The following STK31 variants were observed in gnomAD, a reference collection of about 807,000 sequenced individuals.
STK31 encodes the protein serine/threonine-protein kinase 31.
Under a neutral mutation model 129.7 loss-of-function variants are expected in STK31, and 89 were observed. The ratio of observed to expected loss-of-function variants is 0.69; its 90% CI spans 0.58 to 0.82. The LOEUF is 0.82. Ranked by LOEUF, STK31 falls within the 40% of genes least tolerant of loss-of-function variation. The pLI is 0.00. For synonymous variants in STK31, 448 were observed against 395.3 expected (o/e 1.13, Z -1.58); for missense variants, 1,187 against 1,176.4 (o/e 1.01, Z -0.13).
intron 11 of STK31, among the ~76,000 whole-genome samples, chr7:23,765,198 G>T (rs1242985705): frequency 2.0e-5 from 3 of 152,020 alleles, no homozygotes; most frequent in African/African-American, 7.3e-5. Context: ...GGGATTACAG[G>T]CACACACCAC....
At chr7:23,745,381 T>G (rs1041619463) in intron 8 of STK31, among the ~76,000 whole-genome samples, 1 of 151,670 alleles carries the variant, frequency 6.6e-6, no homozygotes, top group Non-Finnish European at 1.5e-5. Context: ...AATGCTTGAG[T>G]GGGGGTGGCA....
At position 23,832,129 on chromosome 7, in the gene STK31, C is replaced by T. The variant is rs769818600; in HGVS notation, c.2830-7C>T. On this transcript the variant is annotated splice_region_variant and splice_polypyrimidine_tract_variant and intron_variant, in intron 23 of 23. Coordinates refer to ENST00000355870, the MANE Select transcript of STK31 (RefSeq NM_031414.5). ...CTTTGTTTTGTAACACCTGTTTTTCCTTGCAGGATGATAAAGTCAAATCCC... is the reference window on the plus strand; with the variant it reads ...CTTTGTTTTGTAACACCTGTTTTTCTTTGCAGGATGATAAAGTCAAATCCC... The T allele has an allele frequency of 3.1e-6, 5 of 1,600,554 alleles. No individual in the cohort carries two copies. Among genetic ancestry groups the T allele is most frequent in the Non-Finnish European group, 3.4e-6 (4 of 1,169,782 alleles).
Position 23,769,178 on chromosome 7 carries a change from A to G in STK31, c.1596+4A>G, listed in dbSNP as rs1344220151. 6.5e-6 allele frequency: 10 copies of G among 1,544,486 alleles called. No individual in the cohort carries two copies. Among genetic ancestry groups the G allele is most frequent in the East Asian group, 2.3e-5 (1 of 43,572 alleles). ...ATGGTTCCAAAGAACCTTAAAGGTA[A>G]TAAAAGCTCCTGCCCGGTTGTGTTT... On this transcript the variant is annotated splice_donor_region_variant and intron_variant, in intron 12 of 23. Coordinates refer to ENST00000355870, the MANE Select transcript of STK31 (RefSeq NM_031414.5).
chr7:23,775,229 T>C (rs1790463377), intron 15 of STK31, among the ~76,000 whole-genome samples: 1 of 152,240 alleles, frequency 6.6e-6, no homozygotes, highest in Non-Finnish European at 1.5e-5. Flanking sequence ...TTGGTTACTG[T>C]AGCCTTGTAG....
intron 3 of STK31, among the ~76,000 whole-genome samples, chr7:23,716,390 T>G (rs986008319): frequency 6.6e-6 from 1 of 152,170 alleles, no homozygotes; most frequent in Non-Finnish European, 1.5e-5. Flanking sequence ...GGTGGCAACT[T>G]CCAGGTTTTT....
intron 18 of STK31, 56 bp downstream of exon 18, chr7:23,785,659 G>C: frequency 6.5e-7 from 1 of 1,540,176 alleles, no homozygotes. Flanking sequence ...GGATAGTGGT[G>C]CTGTTACATT....
intron 6 of STK31, 117 bp from the exon 7 acceptor site, chr7:23,735,421 A>C: frequency 1.1e-6 from 1 of 887,034 alleles, no homozygotes; most frequent in Non-Finnish European, 1.7e-6. Context: ...AGCCAACAGC[A>C]AAGTAATATA....
In STK31 at chr7:23,808,163, A is replaced by AT. The variant is rs1245283914; in HGVS notation, c.2761-6980dup. Among the ~76,000 whole-genome samples the AT allele has an allele frequency of 5.2e-3, 621 of 118,608 alleles. 6 individuals are homozygous for AT. Among genetic ancestry groups the AT allele is most frequent in the African/African-American group, 0.018 (599 of 33,052 alleles). The allele number at this position is 118,608 out of a possible 152,430, so 77.8% of individuals were successfully genotyped here. A position where few individuals can be genotyped will look rare whatever the true frequency, so the allele number is the denominator to read the frequency against. On this transcript the variant is annotated intron_variant, in intron 22 of 23. Transcript: ENST00000355870. Reference sequence around the variant, plus strand: ...TGAATCCTTTTTAATATATATATATATATATATTTTTTGTAGGCAGCCACC... The same window carrying AT: ...TGAATCCTTTTTAATATATATATATATTATATATTTTTTGTAGGCAGCCACC...
chr7:23,757,328 G>C (rs1015796459), intron 10 of STK31, among the ~76,000 whole-genome samples: 1 of 152,038 alleles, frequency 6.6e-6, no homozygotes, highest in Non-Finnish European at 1.5e-5. Context: ...CCAAGGGACC[G>C]GCGCTCAGCA....
At chr7:23,795,485 A>G (rs964232992) in intron 22 of STK31, among the ~76,000 whole-genome samples, 2 of 152,174 alleles carry the variant, frequency 1.3e-5, no homozygotes, top group African/African-American at 4.8e-5. Flanking sequence ...CAAAACGGAA[A>G]TGAGGGGTTG....
At chr7:23,768,384 G>A (rs1326358564) in intron 11 of STK31, among the ~76,000 whole-genome samples, 3 of 152,212 alleles carry the variant, frequency 2.0e-5, no homozygotes, top group Middle Eastern at 3.4e-3. Context: ...GAAGATATCC[G>A]TGTTGTTAAG....
At chr7:23,824,114 G>GT (rs1793961586) in intron 23 of STK31, among the ~76,000 whole-genome samples, 1 of 152,184 alleles carries the variant, frequency 6.6e-6, no homozygotes, top group Admixed American at 6.5e-5. Context: ...CTTTAAAGTA[G>GT]TTTTTTCCAA....
chr7:23,776,181 C>G (rs1790530468), intron 15 of STK31, among the ~76,000 whole-genome samples: 1 of 152,228 alleles, frequency 6.6e-6, no homozygotes, highest in Non-Finnish European at 1.5e-5. Context: ...ATGAAGCTGA[C>G]TTGATTTTGG....
intron 11 of STK31, among the ~76,000 whole-genome samples, chr7:23,765,306 G>T (rs1789746241): frequency 6.6e-6 from 1 of 152,052 alleles, no homozygotes; most frequent in Admixed American, 6.5e-5. Context: ...TACCCACCTT[G>T]GCCTCCAAAG....
chr7:23,799,178 AT>A (rs1231320589), intron 22 of STK31, among the ~76,000 whole-genome samples: 1 of 152,194 alleles, frequency 6.6e-6, no homozygotes, highest in Non-Finnish European at 1.5e-5. Context: ...TCAAAGTAAT[AT>A]GTAGATTCAG....
chr7:23,741,078 A>G (rs1788028433), intron 8 of STK31, among the ~76,000 whole-genome samples: 1 of 152,152 alleles, frequency 6.6e-6, no homozygotes, highest in African/African-American at 2.4e-5. Context: ...AATTCACTGC[A>G]GCCATTATTC....
intron 11 of STK31, among the ~76,000 whole-genome samples, chr7:23,767,117 T>C (rs1789877277): frequency 6.6e-6 from 1 of 152,232 alleles, no homozygotes; most frequent in African/African-American, 2.4e-5. Flanking sequence ...CAATATTCTT[T>C]CTTTTGTTGA....
chr7:23,799,354 C>G (rs1195087719), intron 22 of STK31, among the ~76,000 whole-genome samples: 2 of 152,158 alleles, frequency 1.3e-5, no homozygotes, highest in Non-Finnish European at 2.9e-5. Flanking sequence ...TACAAGGCTA[C>G]AGTAACCAAA....
chr7:23,798,663 T>C (rs1009468280), intron 22 of STK31, among the ~76,000 whole-genome samples: 2 of 152,168 alleles, frequency 1.3e-5, no homozygotes, highest in Admixed American at 6.5e-5. Flanking sequence ...GGGCAAAAAC[T>C]GGAAGCATTC....
Sources: allele counts gnomAD v4.1 joint callset (sites outside exome capture counted in the v4.1 genomes callset), GRCh38; gene constraint gnomAD v4.1.1; transcripts MANE v1.5; gene names NCBI Gene and HGNC (gene_info 2026-07-23, HGNC 2026-07-21).